The following LRBA variants were observed in gnomAD, a reference collection of about 807,000 sequenced individuals.
LRBA encodes the protein LPS responsive beige-like anchor protein.
LRBA carries 176 observed loss-of-function variants against 330.0 expected under a neutral mutation model. The observed-to-expected ratio is 0.53, with a 90% CI of 0.47 to 0.60. The LOEUF (loss-of-function observed/expected upper bound fraction) is 0.60, where lower values mean the gene tolerates loss of function less well. LRBA is among the 20% of genes least tolerant of loss of function. The pLI, the probability that LRBA is intolerant of heterozygous loss-of-function variation, is 0.00. For missense variants in LRBA, 3,259 were observed against 3,444.8 expected, an observed-to-expected ratio of 0.95 and a Z score of 1.35; for synonymous variants, 1,230 against 1,193.0, an observed-to-expected ratio of 1.03 and a Z score of -0.64.
At chr4:150,409,038 AT>A (rs1392790761) in intron 47 of LRBA, among the ~76,000 whole-genome samples, 1 of 152,116 alleles carries the variant, frequency 6.6e-6, no homozygotes, top group Non-Finnish European at 1.5e-5. Flanking sequence ...GTGGCCTTAT[AT>A]GAAAATTGGG....
chr4:150,896,199 G>A (rs1730062914), intron 16 of LRBA, among the ~76,000 whole-genome samples, 195 bp downstream of exon 16: 1 of 152,008 alleles, frequency 6.6e-6, no homozygotes, highest in African/African-American at 2.4e-5. Flanking sequence ...AGCCTTTCAT[G>A]ATGATTCTCA....
intron 53 of LRBA, among the ~76,000 whole-genome samples, chr4:150,293,393 A>C (rs1407445264): frequency 4.6e-5 from 7 of 152,228 alleles, no homozygotes; most frequent in Non-Finnish European, 1.0e-4. Flanking sequence ...TAGAAAAACT[A>C]CTTGAAATTT....
chr4:150,989,463 A>T (rs1475660423), intron 2 of LRBA, among the ~76,000 whole-genome samples: 2 of 151,946 alleles, frequency 1.3e-5, no homozygotes, highest in African/African-American at 2.4e-5. Context: ...AAATACAAAA[A>T]GTAGCCAGGC....
At chr4:150,628,090 T>C (rs1042047398) in intron 37 of LRBA, among the ~76,000 whole-genome samples, 8 of 152,134 alleles carry the variant, frequency 5.3e-5, no homozygotes, top group Non-Finnish European at 1.0e-4. Context: ...CTTCTTTTAA[T>C]CCCAACAGTT....
At chr4:150,660,499 G>A (rs1265560760) in intron 37 of LRBA, among the ~76,000 whole-genome samples, 26 of 150,884 alleles carry the variant, frequency 1.7e-4, no homozygotes, top group African/African-American at 4.4e-4. Flanking sequence ...AGCCCCCCCC[G>A]CCCGGCCAGC....
intron 28 of LRBA, chr4:150,840,702 C>A: frequency 6.3e-6 from 1 of 159,078 alleles, no homozygotes; most frequent in East Asian, 1.9e-4. Flanking sequence ...TAAGAATTAC[C>A]AATATATGAC....
intron 45 of LRBA, 40 bp from the exon 46 acceptor site, chr4:150,435,748 G>C (rs2271043): frequency 1.9e-6 from 3 of 1,541,982 alleles, no homozygotes; most frequent in Non-Finnish European, 2.6e-6. Context: ...TGTTCCCTCA[G>C]GCATAAAAAT....
intron 30 of LRBA, among the ~76,000 whole-genome samples, chr4:150,818,528 A>ATG (rs1294649533): frequency 3.2e-5 from 3 of 93,348 alleles, no homozygotes; most frequent in African/African-American, 1.1e-4. Flanking sequence ...GATATGACGA[A>ATG]TGTCTGTGTG....
intron 2 of LRBA, among the ~76,000 whole-genome samples, chr4:151,008,988 A>AAAAAAAAAAAAAAAATAT (rs1554018903): frequency 1.8e-4 from 1 of 5,534 alleles, no homozygotes; most frequent in African/African-American, 4.6e-4. Flanking sequence ...AAAAAAAAAA[A>AAAAAAAAAAAAAAAATAT]ATATATATAT....
chr4:150,515,052 C>T (rs1239242736), intron 40 of LRBA, among the ~76,000 whole-genome samples: 1 of 151,912 alleles, frequency 6.6e-6, no homozygotes, highest in African/African-American at 2.4e-5. Context: ...TTTATTAAGC[C>T]AGCATAATGT....
At chr4:150,700,028 A>G (rs1023818429) in intron 36 of LRBA, among the ~76,000 whole-genome samples, 1 of 152,202 alleles carries the variant, frequency 6.6e-6, no homozygotes, top group African/African-American at 2.4e-5. Flanking sequence ...TCTGATTTCC[A>G]GGTTTTCAGA....
intron 41 of LRBA, among the ~76,000 whole-genome samples, chr4:150,488,347 T>C (rs1484147649): frequency 1.3e-5 from 2 of 151,682 alleles, no homozygotes; most frequent in African/African-American, 4.8e-5. Flanking sequence ...TAAAACAGTC[T>C]TTTTACAATG....
At chr4:150,329,362 T>G (rs1733701859) in intron 48 of LRBA, among the ~76,000 whole-genome samples, 1 of 152,218 alleles carries the variant, frequency 6.6e-6, no homozygotes, top group Non-Finnish European at 1.5e-5. Flanking sequence ...TATCATCAAC[T>G]GATAATTCCA....
chr4:150,844,198 C>A lies in LRBA; in HGVS notation c.4471G>T (p.Asp1491Tyr), dbSNP rs748560016. The change falls in exon 28 of 57, where the codon GAC (aspartate) becomes TAC (tyrosine). Residue 1491 changes from aspartate (D) to tyrosine (Y), a missense_variant. Asp to Tyr is a radical substitution (Grantham distance 160). Transcript: ENST00000651943. ...LGKSAAKSPVDIVTGGISPVR... is the reference protein window; with the variant it reads ...LGKSAAKSPVYIVTGGISPVR... ...GGAGATATACCGCCAGTCACAATGT[C>A]CACTGGGCTCTATTTAAGATTAAAA... The A allele has an allele frequency of 6.3e-7, 1 of 1,581,832 alleles. No individual in the cohort carries two copies. The highest frequency in any genetic ancestry group is 1.1e-5 in the South Asian group (1 of 88,122).
At chr4:150,835,970 G>A (rs999004506) in intron 28 of LRBA, among the ~76,000 whole-genome samples, 2 of 152,128 alleles carry the variant, frequency 1.3e-5, no homozygotes, top group African/African-American at 4.8e-5. Flanking sequence ...TTTGAGATAC[G>A]TCCCATCAAT....
intron 44 of LRBA, among the ~76,000 whole-genome samples, chr4:150,453,048 G>A (rs945325402): frequency 6.6e-6 from 1 of 151,970 alleles, no homozygotes; most frequent in Non-Finnish European, 1.5e-5. Context: ...AACTAAAAAA[G>A]GACTAAATAA....
At chr4:150,501,776 C>A (rs968655348) in intron 40 of LRBA, among the ~76,000 whole-genome samples, 5 of 151,998 alleles carry the variant, frequency 3.3e-5, no homozygotes, top group African/African-American at 1.2e-4. Context: ...GTAACAGGGC[C>A]TGGATTTATC....
chr4:150,957,264 G>A (rs1019355801), intron 2 of LRBA, among the ~76,000 whole-genome samples: 5 of 148,556 alleles, frequency 3.4e-5, no homozygotes, highest in Non-Finnish European at 7.4e-5. Context: ...ACTCCCCAGT[G>A]GAACTGGGGA....
At chr4:150,573,326 T>TA (rs568097934) in intron 40 of LRBA, among the ~76,000 whole-genome samples, 51 of 152,258 alleles carry the variant, frequency 3.3e-4, no homozygotes, top group African/African-American at 1.1e-3. Context: ...AGATAAAACA[T>TA]AAATTCACAA....
Sources: allele counts gnomAD v4.1 joint callset (sites outside exome capture counted in the v4.1 genomes callset), GRCh38; gene constraint gnomAD v4.1.1; transcripts MANE v1.5; gene names NCBI Gene and HGNC (gene_info 2026-07-23, HGNC 2026-07-21).